Variants in UNC5C observed in about 807,000 individuals in gnomAD.
UNC5C encodes the protein unc-5 netrin receptor C, also known as netrin receptor UNC5C.
Under a neutral mutation model 99.8 loss-of-function variants are expected in UNC5C, and 47 were observed. The observed-to-expected ratio is 0.47, with a 90% CI of 0.37 to 0.60. UNC5C has a LOEUF of 0.60. UNC5C is among the 20% of genes least tolerant of loss of function. UNC5C has a pLI of 0.00. For synonymous variants in UNC5C, 487 were observed against 452.2 expected, an observed-to-expected ratio of 1.08 and a Z score of -0.98; for missense variants, 1,062 against 1,165.9, an observed-to-expected ratio of 0.91 and a Z score of 1.30.
At chr4:95,180,058 A>C (rs553348633) in intron 14 of UNC5C, among the ~76,000 whole-genome samples, 1 of 152,104 alleles carries the variant, frequency 6.6e-6, no homozygotes. Context: ...TGTTATCCTT[A>C]TGGCATCAGT....
Position 95,544,498 on chromosome 4 carries a change from G to A in UNC5C, c.124+4236C>T, listed in dbSNP as rs530571376. 1.8e-3 allele frequency among the ~76,000 whole-genome samples: 272 copies of A among 152,310 alleles called. 2 individuals are homozygous for A. The highest frequency in any genetic ancestry group is 6.4e-3 in the African/African-American group (267 of 41,570). On this transcript the variant is annotated intron_variant, in intron 1 of 15. Coordinates refer to ENST00000453304, the MANE Select transcript of UNC5C (RefSeq NM_003728.4). Reference sequence around the variant, plus strand: ...TACTATCTTCGGATGTCTGAATCCAGAAAGTACTATACCTGTGTCCGCTTT... The same window carrying A: ...TACTATCTTCGGATGTCTGAATCCAAAAAGTACTATACCTGTGTCCGCTTT...
chr4:95,533,569 G>A (rs952149782), intron 1 of UNC5C, among the ~76,000 whole-genome samples: 1 of 151,722 alleles, frequency 6.6e-6, no homozygotes, highest in African/African-American at 2.4e-5. Context: ...TAAATATGTG[G>A]GACTCCAGGA....
Position 95,177,061 on chromosome 4 carries a change from T to C in UNC5C, c.2451+5836A>G, listed in dbSNP as rs1047859522. 4.6e-5 allele frequency among the ~76,000 whole-genome samples: 7 copies of C among 152,206 alleles called. No homozygotes were observed. In the East Asian group the frequency reaches 1.4e-3, roughly 29 times the overall value. ...TAGGAAAGGGAACTCCCTGACCCCTTGCACTTCCCGAGTGAGGCAATGCCT... is the reference window on the plus strand; with the variant it reads ...TAGGAAAGGGAACTCCCTGACCCCTCGCACTTCCCGAGTGAGGCAATGCCT... On this transcript the variant is annotated intron_variant, in intron 14 of 15. Transcript: ENST00000453304.
chr4:95,259,211 C>A (rs1266948466), intron 4 of UNC5C, among the ~76,000 whole-genome samples: 4 of 151,984 alleles, frequency 2.6e-5, no homozygotes, highest in Non-Finnish European at 5.9e-5. Flanking sequence ...GCCTTAGAGT[C>A]CTCATTTACA....
Position 95,377,783 on chromosome 4 carries a change from A to G in UNC5C, c.125-42152T>C, listed in dbSNP as rs145376577. 2.2e-3 allele frequency among the ~76,000 whole-genome samples: 341 copies of G among 152,284 alleles called. 1 individual carries two copies. The highest frequency in any genetic ancestry group is 7.8e-3 in the African/African-American group (323 of 41,560). On this transcript the variant is annotated intron_variant, in intron 1 of 15. Coordinates refer to ENST00000453304, the MANE Select transcript of UNC5C (RefSeq NM_003728.4). The stretch of plus-strand genomic sequence containing the variant: ...TGTTCTGTGTTCACGCCCTACAGTT[A>G]GGTGGATTAATAGTAGCTCAAGGTC...
chr4:95,255,847 G>A (rs72674504), intron 4 of UNC5C, among the ~76,000 whole-genome samples: 2 of 151,900 alleles, frequency 1.3e-5, no homozygotes, highest in Non-Finnish European at 2.9e-5. Flanking sequence ...TGCTTGCCCT[G>A]CCTTACAAAA....
intron 1 of UNC5C, among the ~76,000 whole-genome samples, chr4:95,471,100 C>T (rs6832346): frequency 0.45 from 67,946 of 149,350 alleles, 16,109 homozygotes; most frequent in African/African-American, 0.6. Flanking sequence ...TATAGGAAGA[C>T]TGGCTGGAAC....
At chr4:95,382,307 T>C (rs1560812404) in intron 1 of UNC5C, among the ~76,000 whole-genome samples, 1 of 151,790 alleles carries the variant, frequency 6.6e-6, no homozygotes, top group East Asian at 1.9e-4. Flanking sequence ...ACCCTGTCTC[T>C]ACAAAAAATA....
chr4:95,438,263 T>C (rs530362533), intron 1 of UNC5C, among the ~76,000 whole-genome samples: 1 of 152,066 alleles, frequency 6.6e-6, no homozygotes, highest in Non-Finnish European at 1.5e-5. Flanking sequence ...GTCAAAGTAC[T>C]ACCAGTGAAA....
chr4:95,442,369 ATTTTTTT>A (rs5860407), intron 1 of UNC5C, among the ~76,000 whole-genome samples: 110 of 126,340 alleles, frequency 8.7e-4, no homozygotes, highest in Non-Finnish European at 1.3e-3. Flanking sequence ...TGCCCAGCTA[ATTTTTTT>A]TTTTTTTTTT....
chr4:95,317,194 T>C (rs571652832), intron 2 of UNC5C, among the ~76,000 whole-genome samples: 78 of 152,240 alleles, frequency 5.1e-4, no homozygotes, highest in African/African-American at 7.7e-4. Context: ...TGTCTCCCAG[T>C]GCCCAGCTTA....
intron 1 of UNC5C, among the ~76,000 whole-genome samples, chr4:95,369,274 G>A (rs1744672564): frequency 6.6e-6 from 1 of 151,634 alleles, no homozygotes; most frequent in Non-Finnish European, 1.5e-5. Flanking sequence ...AGTAAGGCCA[G>A]GTGTGGTGGC....
At chr4:95,261,583 G>C (rs568769876) in intron 4 of UNC5C, among the ~76,000 whole-genome samples, 11 of 152,206 alleles carry the variant, frequency 7.2e-5, no homozygotes, top group South Asian at 4.1e-4. Flanking sequence ...AGGAGTTCAG[G>C]GTGCTAGGAT....
intron 7 of UNC5C, among the ~76,000 whole-genome samples, chr4:95,225,933 C>T (rs187635863): frequency 6.6e-6 from 1 of 152,196 alleles, no homozygotes; most frequent in Non-Finnish European, 1.5e-5. Context: ...AAGGGGATTA[C>T]TGTTCCATCC....
Position 95,362,757 on chromosome 4 carries a change from T to C in UNC5C, c.125-27126A>G, listed in dbSNP as rs181223514. 5.7e-3 allele frequency among the ~76,000 whole-genome samples: 862 copies of C among 151,874 alleles called. 11 individuals are homozygous for C. Among genetic ancestry groups the C allele is most frequent in the African/African-American group, 0.019 (789 of 41,544 alleles). On this transcript the variant is annotated intron_variant, in intron 1 of 15. Transcript: ENST00000453304. ...CTAAAATCCTTGGCTTTGAAAAATA[T>C]ATTTGCACTTTTATTTCATTCATTG... is the stretch of plus-strand genomic sequence containing the variant.
chr4:95,392,412 A>G (rs1392256016), intron 1 of UNC5C, among the ~76,000 whole-genome samples: 3 of 145,532 alleles, frequency 2.1e-5, no homozygotes, highest in Non-Finnish European at 4.5e-5. Context: ...AATTTTTAAG[A>G]GTTTGAAGTA....
chr4:95,442,812 G>C (rs1026078196), intron 1 of UNC5C, among the ~76,000 whole-genome samples: 1 of 132,190 alleles, frequency 7.6e-6, no homozygotes, highest in Admixed American at 8.3e-5. Flanking sequence ...GAGTGTGTGC[G>C]CCAATACACA....
At chr4:95,354,899 T>C (rs1354295972) in intron 1 of UNC5C, among the ~76,000 whole-genome samples, 1 of 152,180 alleles carries the variant, frequency 6.6e-6, no homozygotes, top group Non-Finnish European at 1.5e-5. Flanking sequence ...CTTATATCTA[T>C]TTCTAACACT....
intron 2 of UNC5C, among the ~76,000 whole-genome samples, chr4:95,311,821 ATTGC>A (rs1742287058): frequency 6.6e-6 from 1 of 152,178 alleles, no homozygotes; most frequent in African/African-American, 2.4e-5. Context: ...AGGCAAGAGG[ATTGC>A]TTGAGGCCAA....
Sources: allele counts gnomAD v4.1 joint callset (sites outside exome capture counted in the v4.1 genomes callset), GRCh38; gene constraint gnomAD v4.1.1; transcripts MANE v1.5; gene names NCBI Gene and HGNC (gene_info 2026-07-23, HGNC 2026-07-21).